SNTG2: variants seen among roughly 807,000 people sequenced by gnomAD.
SNTG2 encodes the protein syntrophin gamma 2.
In SNTG2, 74 loss-of-function variants were observed where a neutral mutation model predicts 70.9. The ratio of observed to expected loss-of-function variants is 1.04; its 90% CI spans 0.86 to 1.27. The LOEUF (loss-of-function observed/expected upper bound fraction) is 1.27, where lower values mean the gene tolerates loss of function less well. SNTG2 is among the 50% of genes most tolerant of loss of function. SNTG2 has a pLI of 0.00. For synonymous variants in SNTG2, 278 were observed against 273.8 expected (o/e 1.02, Z -0.15); for missense variants, 717 against 690.7 (o/e 1.04, Z -0.43).
rs1350066173 is a variant in SNTG2, at chr2:1,119,553, T to A, written c.326-18069T>A. 8.0e-3 allele frequency among the ~76,000 whole-genome samples: 565 copies of A among 70,904 alleles called. 6 individuals carry two copies. Among genetic ancestry groups the A allele is most frequent in the African/African-American group, 0.03 (508 of 16,754 alleles). 46.5% of individuals were successfully genotyped at this position (70,904 alleles called of 152,430 possible). A position where few individuals can be genotyped will look rare whatever the true frequency, so the allele number is the denominator to read the frequency against. ...CTGTGGAGGAGAAGTTAAAGGCTCG[T>A]TTTTTTTTTTTTTGTATAAAAAAAT... On this transcript the variant is annotated intron_variant, in intron 4 of 16. Coordinates refer to ENST00000308624, the MANE Select transcript of SNTG2 (RefSeq NM_018968.4).
chr2:1,271,011 T>C (rs1678990430), intron 14 of SNTG2, among the ~76,000 whole-genome samples: 1 of 152,222 alleles, frequency 6.6e-6, no homozygotes, highest in African/African-American at 2.4e-5. Context: ...CAGTCGTTTC[T>C]GAATGCACCT....
intron 1 of SNTG2, among the ~76,000 whole-genome samples, chr2:1,034,431 T>G (rs1661018628): frequency 6.6e-6 from 1 of 152,196 alleles, no homozygotes; most frequent in Non-Finnish European, 1.5e-5. Flanking sequence ...GCATACATCT[T>G]TCTTTATAAT....
chr2:963,345 A>G (rs6744119), intron 1 of SNTG2, among the ~76,000 whole-genome samples: 65,823 of 151,870 alleles, frequency 0.43, 14,759 homozygotes, highest in Middle Eastern at 0.55. Flanking sequence ...GAAAGGCAGC[A>G]TGCTCAAAAA....
At chr2:1,165,701 A>C in intron 7 of SNTG2, 66 bp downstream of exon 7, 1 of 1,323,130 alleles carries the variant, frequency 7.6e-7, no homozygotes, top group African/African-American at 1.5e-5. Context: ...TTATTTATCC[A>C]AATGCTACCA....
chr2:1,273,573 G>T (rs1025651128), intron 14 of SNTG2, among the ~76,000 whole-genome samples: 1 of 151,710 alleles, frequency 6.6e-6, no homozygotes, highest in East Asian at 1.9e-4. Context: ...GACAAATTAT[G>T]CTGGGATAAT....
Position 1,221,832 on chromosome 2 carries a change from T to C in SNTG2, c.719+12602T>C, listed in dbSNP as rs1490877815. On this transcript the variant is annotated intron_variant, in intron 9 of 16. Coordinates refer to ENST00000308624, the MANE Select transcript of SNTG2 (RefSeq NM_018968.4). Reference sequence around the variant, plus strand: ...CTCTCTCGGTCTCTGTCTCTCTCTGTCTCTCTCTGTCTCTGTCTCTGTCTC... The same window carrying C: ...CTCTCTCGGTCTCTGTCTCTCTCTGCCTCTCTCTGTCTCTGTCTCTGTCTC... Among the ~76,000 whole-genome samples, 4 of 18,384 alleles carry C rather than the reference T, an allele frequency of 2.2e-4. 1 individual carries two copies. The highest frequency in any genetic ancestry group is 8.9e-4 in the African/African-American group (2 of 2,258). The allele number at this position is 18,384 out of a possible 152,430, so 12.1% of individuals were successfully genotyped here. A position where few individuals can be genotyped will look rare whatever the true frequency, so the allele number is the denominator to read the frequency against.
At position 1,005,923 on chromosome 2, in the gene SNTG2, T is replaced by G. The variant is rs543756765; in HGVS notation, c.72+54855T>G. On this transcript the variant is annotated intron_variant, in intron 1 of 16. Coordinates refer to ENST00000308624, the MANE Select transcript of SNTG2 (RefSeq NM_018968.4). ...CTTTATTTTTATATTATTTAAACAT[T>G]GGATGAAAAATTTTACATGCCAACT... Among the ~76,000 whole-genome samples, 417 of 135,156 alleles carry G rather than the reference T, an allele frequency of 3.1e-3. 4 individuals carry two copies. The highest frequency in any genetic ancestry group is 0.01 in the African/African-American group (364 of 36,140). 88.7% of individuals were successfully genotyped at this position (135,156 alleles called of 152,430 possible).
intron 6 of SNTG2, among the ~76,000 whole-genome samples, chr2:1,143,984 C>T (rs1668936123): frequency 1.3e-5 from 2 of 151,384 alleles, no homozygotes; most frequent in African/African-American, 2.4e-5. Flanking sequence ...CTCATGAAAA[C>T]TCTGGAACGC....
intron 14 of SNTG2, among the ~76,000 whole-genome samples, chr2:1,293,107 A>C (rs1572932670): frequency 6.7e-6 from 1 of 149,136 alleles, no homozygotes; most frequent in African/African-American, 2.5e-5. Flanking sequence ...TTTTCATTGA[A>C]TCCAAGTTAT....
chr2:1,094,478 G>T (rs1368520425), intron 2 of SNTG2, among the ~76,000 whole-genome samples: 4 of 70,600 alleles, frequency 5.7e-5, no homozygotes, highest in Middle Eastern at 0.013. Context: ...AGGCCTTATA[G>T]GTGTGTCCTC....
At chr2:1,059,682 A>G (rs1162348437) in intron 1 of SNTG2, among the ~76,000 whole-genome samples, 1 of 152,198 alleles carries the variant, frequency 6.6e-6, no homozygotes, top group Non-Finnish European at 1.5e-5. Flanking sequence ...AACCCTCATA[A>G]CTCAGAGGGC....
intron 2 of SNTG2, among the ~76,000 whole-genome samples, chr2:1,088,239 T>C (rs1044393617): frequency 6.6e-6 from 1 of 152,262 alleles, no homozygotes; most frequent in African/African-American, 2.4e-5. Flanking sequence ...TTGATAACTT[T>C]ATTGACAAAC....
intron 1 of SNTG2, among the ~76,000 whole-genome samples, chr2:1,028,446 A>G (rs1368399077): frequency 6.6e-6 from 1 of 152,232 alleles, no homozygotes; most frequent in Non-Finnish European, 1.5e-5. Context: ...GGACATCTGT[A>G]GTGTTTAAAA....
intron 4 of SNTG2, among the ~76,000 whole-genome samples, chr2:1,116,962 C>A (rs1371840135): frequency 3.2e-5 from 2 of 62,622 alleles, no homozygotes; most frequent in Non-Finnish European, 6.2e-5. Flanking sequence ...GGGTGCCTGG[C>A]GTGTGGGTGC....
At chr2:1,289,617 A>G (rs1679906414) in intron 14 of SNTG2, among the ~76,000 whole-genome samples, 1 of 152,190 alleles carries the variant, frequency 6.6e-6, no homozygotes, top group Admixed American at 6.5e-5. Flanking sequence ...TGTTTGGAGT[A>G]GGACCCTTAT....
intron 4 of SNTG2, among the ~76,000 whole-genome samples, chr2:1,128,879 G>A (rs186969115): frequency 1.3e-5 from 2 of 152,216 alleles, no homozygotes; most frequent in African/African-American, 4.8e-5. Flanking sequence ...TGTTATTCCA[G>A]TTGATTTTTT....
intron 16 of SNTG2, among the ~76,000 whole-genome samples, chr2:1,319,446 T>G (rs1250981593): frequency 1.3e-5 from 2 of 151,962 alleles, no homozygotes; most frequent in Non-Finnish European, 2.9e-5. Flanking sequence ...AAACCCAAAC[T>G]AAAAAAACCT....
chr2:1,196,496 G>A (rs1672916240), intron 8 of SNTG2, among the ~76,000 whole-genome samples: 1 of 152,080 alleles, frequency 6.6e-6, no homozygotes, highest in Non-Finnish European at 1.5e-5. Flanking sequence ...TCTGGCAAAA[G>A]ATTTAGACAT....
chr2:1,166,747 C>T (rs1402816938), intron 7 of SNTG2, among the ~76,000 whole-genome samples: 19 of 152,312 alleles, frequency 1.2e-4, no homozygotes, highest in South Asian at 6.2e-4. Flanking sequence ...TGGCCTACCA[C>T]GCCCCCATCC....
Sources: gnomAD v4.1 joint callset for allele counts (sites outside exome capture counted in the v4.1 genomes callset) on GRCh38, gnomAD v4.1.1 for gene constraint, MANE v1.5 for transcripts, NCBI Gene and HGNC (gene_info 2026-07-23, HGNC 2026-07-21) for gene names.